DCAF6: variants seen among roughly 807,000 people sequenced by gnomAD.
The protein encoded by DCAF6 is DDB1- and CUL4-associated factor 6.
DCAF6 carries 54 observed loss-of-function variants against 125.1 expected under a neutral mutation model. That is an observed-to-expected ratio of 0.43 (90% confidence interval 0.35 to 0.54). The LOEUF is 0.54. Ranked by LOEUF, DCAF6 falls within the 20% of genes least tolerant of loss-of-function variation. DCAF6 has a pLI of 0.01. For missense variants in DCAF6, 934 were observed against 1,161.7 expected (o/e 0.80, Z 2.85); for synonymous variants, 371 against 390.4 (o/e 0.95, Z 0.58).
chr1:167,969,332 A>C (rs968288125), intron 3 of DCAF6: 1 of 152,340 alleles, frequency 6.6e-6, no homozygotes, highest in Non-Finnish European at 1.5e-5. Flanking sequence ...GATTTTTATC[A>C]GTTTACAAAC....
chr1:167,901,548 C>T, the DCAF6 span: 1 of 1,070,786 alleles, frequency 9.3e-7, no homozygotes, highest in Non-Finnish European at 1.4e-6. Context: ...AAGTTCAGGG[C>T]ATCATGGGGC....
chr1:167,955,087 T>C (rs1190336893), intron 2 of DCAF6, among the ~76,000 whole-genome samples: 1 of 152,242 alleles, frequency 6.6e-6, no homozygotes, highest in Non-Finnish European at 1.5e-5. Context: ...TTGGGATTCA[T>C]GTTGTTGAGT....
At chr1:167,985,184 CGTGTGT>C (rs33966059) in intron 4 of DCAF6, among the ~76,000 whole-genome samples, 1,730 of 147,034 alleles carry the variant, frequency 0.012, 27 homozygotes, top group African/African-American at 0.038. Flanking sequence ...CAAACCACGT[CGTGTGT>C]GTGTGTGTGT....
the DCAF6 span, among the ~76,000 whole-genome samples, chr1:167,884,148 T>C: frequency 6.6e-6 from 1 of 152,200 alleles, no homozygotes; most frequent in Non-Finnish European, 1.5e-5. Context: ...TGTATGGTTG[T>C]ATTAGTCCGT....
chr1:167,902,418 T>C, the DCAF6 span, among the ~76,000 whole-genome samples: 1 of 152,194 alleles, frequency 6.6e-6, no homozygotes, highest in Non-Finnish European at 1.5e-5. Flanking sequence ...TGTGTAAGCA[T>C]GGGTGGGTGG....
intron 4 of DCAF6, among the ~76,000 whole-genome samples, chr1:167,976,974 G>T (rs1169608410): frequency 1.6e-5 from 2 of 126,148 alleles, no homozygotes; most frequent in Non-Finnish European, 3.1e-5. Context: ...CATGATCTTG[G>T]CTCACCACAA....
intron 17 of DCAF6, chr1:168,056,245 C>G (rs77309368): frequency 0.096 from 147,629 of 1,544,738 alleles, 1,883 homozygotes; most frequent in East Asian, 0.16. Flanking sequence ...TCTGTTGTTA[C>G]CCATTCGTGT....
chr1:168,063,512 G>A (rs1465059243), intron 17 of DCAF6, 109 bp from the exon 18 acceptor site: 1 of 942,822 alleles, frequency 1.1e-6, no homozygotes, highest in Non-Finnish European at 1.5e-6. Flanking sequence ...GCCTTATTGA[G>A]ATAGTGTGTT....
At chr1:168,050,441 G>A (rs1689771668) in intron 16 of DCAF6, among the ~76,000 whole-genome samples, 1 of 152,194 alleles carries the variant, frequency 6.6e-6, no homozygotes, top group African/African-American at 2.4e-5. Flanking sequence ...CTCCTAGGGA[G>A]TTAAAAGCCC....
At chr1:168,008,891 TC>T (rs569884809) in intron 10 of DCAF6, among the ~76,000 whole-genome samples, 1,742 of 50,166 alleles carry the variant, frequency 0.035, 46 homozygotes, top group African/African-American at 0.11. Context: ...CCCCCTCCCC[TC>T]CCCCCTCCCT....
intron 10 of DCAF6, among the ~76,000 whole-genome samples, chr1:168,009,191 G>C (rs371086151): frequency 9.3e-4 from 141 of 151,652 alleles, no homozygotes; most frequent in Middle Eastern, 3.4e-3. Context: ...GTAGAGACAG[G>C]GTTTCACCGT....
chr1:167,972,898 A>G (rs1283868519), intron 3 of DCAF6, among the ~76,000 whole-genome samples: 3 of 152,180 alleles, frequency 2.0e-5, no homozygotes, highest in Admixed American at 6.5e-5. Context: ...ATGCTTTTCA[A>G]TTTATGAGTG....
chr1:167,873,671 T>C, the DCAF6 span, among the ~76,000 whole-genome samples: 1 of 152,282 alleles, frequency 6.6e-6, no homozygotes, highest in African/African-American at 2.4e-5. Context: ...ATAAGGTCCC[T>C]ATCACCAGGA....
chr1:168,072,981 TC>T (rs1422085335), intron 21 of DCAF6, among the ~76,000 whole-genome samples: 1 of 152,062 alleles, frequency 6.6e-6, no homozygotes, highest in African/African-American at 2.4e-5. Flanking sequence ...TACATAGACA[TC>T]CTGGCTAACA....
chr1:167,993,298 G>A lies in DCAF6; in HGVS notation c.761G>A (p.Cys254Tyr). The A allele has an allele frequency of 1.2e-6, 2 of 1,613,996 alleles. No homozygotes were observed. The highest frequency in any genetic ancestry group is 1.7e-6 in the Non-Finnish European group (2 of 1,179,916). ...FIPSHLNNKS[C>Y]RVTSLCYSED... The stretch of plus-strand genomic sequence containing the variant: ...CCTTCCCATCTTAATAATAAGTCCT[G>A]CAGAGTGACATCTCTGTGTTACAGT... Residue 254 changes from cysteine to tyrosine, a missense_variant, in exon 7 of 22, where the codon TGC becomes TAC. Cys to Tyr is a radical substitution (Grantham distance 194). This residue lies in a region of DCAF6 where 309 missense variants were observed against 381.2 expected (regional missense o/e 0.81). Coordinates refer to ENST00000367840, the MANE Select transcript of DCAF6 (RefSeq NM_001198956.2).
At chr1:168,052,908 C>T (rs531460558) in intron 17 of DCAF6, among the ~76,000 whole-genome samples, 1 of 152,302 alleles carries the variant, frequency 6.6e-6, no homozygotes, top group African/African-American at 2.4e-5. Flanking sequence ...ACAAACCCAG[C>T]TTCCTTGCCT....
chr1:168,005,314 G>T (rs531038442), intron 10 of DCAF6, among the ~76,000 whole-genome samples: 9 of 152,056 alleles, frequency 5.9e-5, no homozygotes, highest in Non-Finnish European at 8.8e-5. Flanking sequence ...ACATGAAAAA[G>T]AATTATTTTA....
chr1:167,966,557 C>T (rs1676452685), intron 2 of DCAF6, 72 bp from the exon 3 acceptor site: 1 of 967,774 alleles, frequency 1.0e-6, no homozygotes, highest in East Asian at 2.4e-5. Context: ...TTTGTACCGC[C>T]AGGTGAGTGA....
upstream of DCAF6, among the ~76,000 whole-genome samples, chr1:167,934,791 C>T (rs747021200): frequency 6.6e-6 from 1 of 152,138 alleles, no homozygotes; most frequent in South Asian, 2.1e-4. Context: ...TCTAGTTTGC[C>T]AAGTCTTAGG....
Sources: allele counts gnomAD v4.1 joint callset (sites outside exome capture counted in the v4.1 genomes callset), GRCh38; gene constraint gnomAD v4.1.1; regional missense constraint gnomAD v4.1.1; transcripts MANE v1.5; gene names NCBI Gene and HGNC (gene_info 2026-07-23, HGNC 2026-07-21).